ZNF562: variants seen among roughly 807,000 people sequenced by gnomAD.
ZNF562 encodes the protein zinc finger protein 562.
A neutral mutation model predicts 17.5 loss-of-function variants in ZNF562; 13 were observed. The observed-to-expected ratio is 0.74, with a 90% CI of 0.48 to 1.18. ZNF562 has a LOEUF of 1.18. Ranked by LOEUF, ZNF562 falls within the 50% of genes most tolerant of loss-of-function variation. The pLI is 0.00. For synonymous variants in ZNF562, 163 were observed against 165.4 expected, an observed-to-expected ratio of 0.99 and a Z score of 0.11; for missense variants, 481 against 498.5, an observed-to-expected ratio of 0.96 and a Z score of 0.33.
chr19:9,661,572 GATCAC>G (rs200417702), intron 1 of ZNF562, among the ~76,000 whole-genome samples: 3,904 of 152,260 alleles, frequency 0.026, 169 homozygotes, highest in African/African-American at 0.089. Context: ...AAGGCAGGTG[GATCAC>G]GAGGTCAGGA....
At chr19:9,662,010 C>T (rs2043765307) in intron 1 of ZNF562, among the ~76,000 whole-genome samples, 1 of 152,100 alleles carries the variant, frequency 6.6e-6, no homozygotes, top group Non-Finnish European at 1.5e-5. Context: ...AATCCTCCCA[C>T]CTTGGCCTCC....
intron 1 of ZNF562, among the ~76,000 whole-genome samples, chr19:9,668,552 C>G (rs1205010437): frequency 1.3e-5 from 2 of 151,976 alleles, no homozygotes; most frequent in Admixed American, 6.6e-5. Context: ...AAGCAATTTA[C>G]AATTAAGAGC....
Position 9,667,786 on chromosome 19 carries a change from G to T in ZNF562, c.-130-6912C>A, listed in dbSNP as rs115974667. On this transcript the variant is annotated intron_variant, in intron 1 of 5. Transcript: ENST00000453372. ...TTTTTTAGAGACTGGGGGCAGAGGG[G>T]TCCTCAATATATTACCCAGGCTGAC... Among the ~76,000 whole-genome samples the T allele has an allele frequency of 7.9e-3, 1,198 of 151,864 alleles. 10 individuals carry two copies. The highest frequency in any genetic ancestry group is 0.024 in the African/African-American group (992 of 41,378).
rs1003037920 is a variant in ZNF562, at chr19:9,648,382, A to C, written c.*4567T>G. Reference sequence around the variant, plus strand: ...CAGTGGTGCAATCTTGGCTCAATGCAACCTCCACCTCCCAGGTTCAAGTGA... The same window carrying C: ...CAGTGGTGCAATCTTGGCTCAATGCCACCTCCACCTCCCAGGTTCAAGTGA... On this transcript the variant is annotated 3_prime_UTR_variant, in exon 6 of 6. Transcript: ENST00000453372. 4.6e-5 allele frequency: 7 copies of C among 152,154 alleles called. No individual in the cohort carries two copies. 9.4% of individuals were successfully genotyped at this position (152,154 alleles called of 1,614,324 possible).
chr19:9,663,169 G>A (rs1029963230), intron 1 of ZNF562, among the ~76,000 whole-genome samples: 1 of 150,942 alleles, frequency 6.6e-6, no homozygotes, highest in East Asian at 2.0e-4. Flanking sequence ...ACTTTGGGAG[G>A]CCGAGGCGGG....
At chr19:9,654,896 A>G (rs1322034154) in intron 5 of ZNF562, among the ~76,000 whole-genome samples, 2 of 151,978 alleles carry the variant, frequency 1.3e-5, no homozygotes, top group Admixed American at 6.6e-5. Flanking sequence ...AATTTTTACA[A>G]TATTTCTTCC....
In ZNF562 at chr19:9,642,271, C is replaced by T. The variant is rs1419863698; in HGVS notation, c.*10678G>A. On this transcript the variant is annotated 3_prime_UTR_variant, in exon 6 of 6. Transcript: ENST00000453372. ...CTTACAGTTCTGATGTTTAAAATTACATTCTTTTTTTTCTTTAAAAAAAAA... is the reference window on the plus strand; with the variant it reads ...CTTACAGTTCTGATGTTTAAAATTATATTCTTTTTTTTCTTTAAAAAAAAA... 6.8e-6 allele frequency: 1 copy of T among 147,600 alleles called. No homozygotes were observed. The highest frequency in any genetic ancestry group is 2.0e-4 in the East Asian group (1 of 5,038). 9.1% of individuals were successfully genotyped at this position (147,600 alleles called of 1,614,324 possible). A position where few individuals can be genotyped will look rare whatever the true frequency, so the allele number is the denominator to read the frequency against.
intron 5 of ZNF562, 73 bp downstream of exon 5, chr19:9,656,474 A>C: frequency 2.0e-6 from 3 of 1,532,342 alleles, no homozygotes; most frequent in Non-Finnish European, 2.7e-6. Flanking sequence ...GTGCCACTGC[A>C]CTTCAGCCTG....
chr19:9,659,696 G>C (rs2043648841), intron 2 of ZNF562, among the ~76,000 whole-genome samples: 1 of 151,862 alleles, frequency 6.6e-6, no homozygotes, highest in African/African-American at 2.4e-5. Context: ...CATTTTTCAA[G>C]GAAACTTACA....
intron 1 of ZNF562, among the ~76,000 whole-genome samples, chr19:9,664,880 A>G (rs1274476850): frequency 6.6e-6 from 1 of 152,000 alleles, no homozygotes; most frequent in Non-Finnish European, 1.5e-5. Context: ...TATCTCAAAT[A>G]CCACCGTTTA....
At chr19:9,660,182 G>A (rs1386183584) in intron 2 of ZNF562, among the ~76,000 whole-genome samples, 1 of 151,110 alleles carries the variant, frequency 6.6e-6, no homozygotes, top group Non-Finnish European at 1.5e-5. Context: ...AGAATTGCTT[G>A]AACCCAGCAG....
At chr19:9,669,590 G>A (rs1042864646) in intron 1 of ZNF562, among the ~76,000 whole-genome samples, 16 of 152,090 alleles carry the variant, frequency 1.1e-4, no homozygotes, top group East Asian at 1.9e-4. Flanking sequence ...TTGAGGCTGC[G>A]GTGGGAGATC....
chr19:9,673,689 C>A (rs1382969576), intron 1 of ZNF562, among the ~76,000 whole-genome samples: 1 of 152,168 alleles, frequency 6.6e-6, no homozygotes, highest in Admixed American at 6.5e-5. Flanking sequence ...GCTTAGTCTA[C>A]ACGCGTTCAT....
intron 1 of ZNF562, among the ~76,000 whole-genome samples, chr19:9,673,322 C>T (rs377257967): frequency 2.0e-5 from 3 of 152,198 alleles, no homozygotes; most frequent in Non-Finnish European, 2.9e-5. Flanking sequence ...ACTCCATCCA[C>T]GAGACTCACC....
At chr19:9,663,487 T>G (rs1051500854) in intron 1 of ZNF562, among the ~76,000 whole-genome samples, 12 of 151,732 alleles carry the variant, frequency 7.9e-5, no homozygotes, top group African/African-American at 2.9e-4. Context: ...GCATAAATTT[T>G]CCTTCCTGTT....
chr19:9,664,922 C>A (rs1406255376), intron 1 of ZNF562, among the ~76,000 whole-genome samples: 2 of 151,876 alleles, frequency 1.3e-5, no homozygotes, highest in Admixed American at 6.6e-5. Context: ...CACACATGTG[C>A]TTTAAAAAAC....
chr19:9,642,535 C>T lies in ZNF562; in HGVS notation c.*10414G>A, dbSNP rs1300261530. Reference sequence around the variant, plus strand: ...CAAGCGATCATCCTTCCTTGGCCTCCCACATTGTTGGCATTACAACTGTGA... The same window carrying T: ...CAAGCGATCATCCTTCCTTGGCCTCTCACATTGTTGGCATTACAACTGTGA... On this transcript the variant is annotated 3_prime_UTR_variant, in exon 6 of 6. Coordinates refer to ENST00000453372, the MANE Select transcript of ZNF562 (RefSeq NM_001130031.2). The T allele has an allele frequency of 2.0e-5, 3 of 152,026 alleles. No individual in the cohort carries two copies. The highest frequency in any genetic ancestry group is 2.9e-5 in the Non-Finnish European group (2 of 68,022). 9.4% of individuals were successfully genotyped at this position (152,026 alleles called of 1,614,324 possible). A position where few individuals can be genotyped will look rare whatever the true frequency, so the allele number is the denominator to read the frequency against.
At chr19:9,658,953 C>T (rs1346504328) in intron 3 of ZNF562, among the ~76,000 whole-genome samples, 1 of 152,202 alleles carries the variant, frequency 6.6e-6, no homozygotes, top group Non-Finnish European at 1.5e-5. Flanking sequence ...CCACTGCACA[C>T]TGCTTACATT....
chr19:9,666,424 T>C (rs1401912533), intron 1 of ZNF562, among the ~76,000 whole-genome samples: 1 of 151,668 alleles, frequency 6.6e-6, no homozygotes, highest in African/African-American at 2.4e-5. Context: ...AGGGAGAATT[T>C]TACAGCAGTA....
Sources: allele counts gnomAD v4.1 joint callset (sites outside exome capture counted in the v4.1 genomes callset), GRCh38; gene constraint gnomAD v4.1.1; transcripts MANE v1.5; gene names NCBI Gene and HGNC (gene_info 2026-07-23, HGNC 2026-07-21).